PPP2R2C: variants seen among roughly 807,000 people sequenced by gnomAD.
PPP2R2C encodes the protein protein phosphatase 2, regulatory subunit B, gamma.
In PPP2R2C, 10 loss-of-function variants were observed where a neutral mutation model predicts 45.3. The ratio of observed to expected loss-of-function variants is 0.22; its 90% CI spans 0.14 to 0.37. The LOEUF (loss-of-function observed/expected upper bound fraction) is 0.37, where lower values mean the gene tolerates loss of function less well. Among genes scored for constraint, PPP2R2C ranks in the 10% least tolerant of loss-of-function variants. PPP2R2C has a pLI of 1.00. For missense variants in PPP2R2C, 308 were observed against 619.7 expected (o/e 0.50, Z 5.34); for synonymous variants, 257 against 245.4 (o/e 1.05, Z -0.44).
chr4:6,388,668 G>A (rs1472934408), intron 1 of PPP2R2C, among the ~76,000 whole-genome samples: 2 of 152,024 alleles, frequency 1.3e-5, no homozygotes, highest in Non-Finnish European at 2.9e-5. Flanking sequence ...TTGGGGGGCC[G>A]AGCCGGGCCT....
At chr4:6,465,145 A>G (rs1204913885) in intron 1 of PPP2R2C, among the ~76,000 whole-genome samples, 1 of 152,022 alleles carries the variant, frequency 6.6e-6, no homozygotes, top group African/African-American at 2.4e-5. Flanking sequence ...CAAGACAGGA[A>G]TAAAAAAATC....
rs1715550093 is a variant in PPP2R2C, at chr4:6,378,761, C to T, written c.169-189G>A. ...ACTTGCAGTGTGCCAGGGACAAGCC[C>T]CGCTCCCGTGCGGTCCCATGAAACA... On this transcript the variant is annotated intron_variant, in intron 2 of 8. Transcript: ENST00000382599. The surrounding 1 kb of genome is among the most constrained non-coding windows in gnomAD (Gnocchi z 5.2). 6.6e-6 allele frequency among the ~76,000 whole-genome samples: 1 copy of T among 152,072 alleles called. No individual in the cohort carries two copies. The highest frequency in any genetic ancestry group is 6.5e-5 in the Admixed American group (1 of 15,276).
intron 1 of PPP2R2C, among the ~76,000 whole-genome samples, chr4:6,386,349 C>G (rs1716212222): frequency 6.6e-6 from 1 of 152,206 alleles, no homozygotes; most frequent in African/African-American, 2.4e-5. Flanking sequence ...ACACTCGCAG[C>G]AGCTGGAAAA....
intron 1 of PPP2R2C, among the ~76,000 whole-genome samples, chr4:6,396,261 T>C (rs1034590190): frequency 2.0e-5 from 3 of 152,154 alleles, no homozygotes; most frequent in African/African-American, 7.2e-5. Flanking sequence ...GTCCTTCCAC[T>C]GTGGGACAGC....
chr4:6,416,564 G>C (rs1165557223), intron 1 of PPP2R2C, among the ~76,000 whole-genome samples: 4 of 152,216 alleles, frequency 2.6e-5, no homozygotes, highest in Admixed American at 2.6e-4. Context: ...GTGACCCCCG[G>C]GGTGAAGCAG....
In PPP2R2C at chr4:6,329,242, G is replaced by A. The variant is rs376857942; in HGVS notation, c.1052+20C>T. 1.1e-4 allele frequency: 182 copies of A among 1,607,676 alleles called. No homozygotes were observed. Among genetic ancestry groups the A allele is most frequent in the African/African-American group, 7.9e-4 (59 of 74,798 alleles). On this transcript the variant is annotated intron_variant, in intron 8 of 8. Transcript: ENST00000382599. The surrounding 1 kb of genome is among the most constrained non-coding windows in gnomAD (Gnocchi z 5.8). ...CCCTCCCTACGGTGAGGTGAGGTGC[G>A]GGCTGAGGTCAGGGCTTACCTGTCG...
At chr4:6,484,633 A>T (rs1025121105) in intron 2 of PPP2R2C, among the ~76,000 whole-genome samples, 2 of 151,406 alleles carry the variant, frequency 1.3e-5, no homozygotes, top group Non-Finnish European at 3.0e-5. Flanking sequence ...ATATCTCTCC[A>T]CTCATTTAGG....
chr4:6,550,059 C>A (rs1024417930), intron 1 of PPP2R2C, among the ~76,000 whole-genome samples: 1 of 152,160 alleles, frequency 6.6e-6, no homozygotes, highest in Non-Finnish European at 1.5e-5. Context: ...GAGGTCACAG[C>A]GGGGTAGGGG....
intron 1 of PPP2R2C, among the ~76,000 whole-genome samples, chr4:6,410,381 CG>C (rs1294512318): frequency 5.3e-5 from 8 of 152,134 alleles, no homozygotes; most frequent in Non-Finnish European, 1.2e-4. Flanking sequence ...ACCCCTGACT[CG>C]GGGGGTGGTG....
intron 2 of PPP2R2C, among the ~76,000 whole-genome samples, chr4:6,479,826 A>G (rs1722289013): frequency 6.6e-6 from 1 of 152,084 alleles, no homozygotes; most frequent in South Asian, 2.1e-4. Context: ...TATTGATTCA[A>G]AAGGAATCAA....
At chr4:6,402,234 G>A (rs953507118) in intron 1 of PPP2R2C, among the ~76,000 whole-genome samples, 3 of 152,212 alleles carry the variant, frequency 2.0e-5, no homozygotes, top group African/African-American at 7.2e-5. Context: ...CAGGTACACA[G>A]GAAGGCTGCG....
At chr4:6,464,004 G>A (rs1195979342) in intron 1 of PPP2R2C, among the ~76,000 whole-genome samples, 1 of 152,196 alleles carries the variant, frequency 6.6e-6, no homozygotes, top group Admixed American at 6.5e-5. Context: ...AATTAATGTA[G>A]CAGTCAGGAG....
intron 2 of PPP2R2C, among the ~76,000 whole-genome samples, chr4:6,514,331 C>T (rs901923444): frequency 3.9e-5 from 6 of 152,154 alleles, no homozygotes; most frequent in Middle Eastern, 3.2e-3. Flanking sequence ...CCAGGTAAGA[C>T]GAGGTACTGC....
chr4:6,387,980 A>T (rs1716346792), intron 1 of PPP2R2C, among the ~76,000 whole-genome samples: 1 of 152,176 alleles, frequency 6.6e-6, no homozygotes, highest in Non-Finnish European at 1.5e-5. Flanking sequence ...GGCCTTTGGC[A>T]TGTGCTCTTT....
chr4:6,365,789 G>A lies in PPP2R2C; in HGVS notation c.625+6734C>T, dbSNP rs75487264. On this transcript the variant is annotated intron_variant, in intron 5 of 8. Transcript: ENST00000382599. ...ATGGGAATTAGAAATTCTCCAGGCCGAGGCTTGGTGTGATGCCAGTTCCCA... is the reference window on the plus strand; with the variant it reads ...ATGGGAATTAGAAATTCTCCAGGCCAAGGCTTGGTGTGATGCCAGTTCCCA... Among the ~76,000 whole-genome samples the A allele has an allele frequency of 7.3e-4, 111 of 152,320 alleles. 2 individuals carry two copies. The East Asian group carries it at 0.015, about 21-fold the overall frequency.
At position 6,378,712 on chromosome 4, in the gene PPP2R2C, T is replaced by C; in HGVS notation, c.169-140A>G. The C allele has an allele frequency of 1.1e-6, 1 of 908,808 alleles. No individual in the cohort carries two copies. Among genetic ancestry groups the C allele is most frequent in the Non-Finnish European group, 1.7e-6 (1 of 595,984 alleles). 56.3% of individuals were successfully genotyped at this position (908,808 alleles called of 1,614,324 possible). The stretch of plus-strand genomic sequence containing the variant: ...ATCCAATTCGAGGGTCAAATGAAAC[T>C]CTCTGCAGCTTAACCGGCCCATGAC... On this transcript the variant is annotated intron_variant, in intron 2 of 8. Transcript: ENST00000382599. This position sits in a 1 kb window ranked among gnomAD's most constrained non-coding sequence, Gnocchi z 5.2.
Position 6,529,008 on chromosome 4 carries a change from C to T in PPP2R2C, c.49+6263G>A, listed in dbSNP as rs535612055. 2.0e-3 allele frequency among the ~76,000 whole-genome samples: 297 copies of T among 152,306 alleles called. 2 individuals are homozygous for T. Among genetic ancestry groups the T allele is most frequent in the South Asian group, 6.2e-3 (30 of 4,830 alleles). Reference sequence around the variant, plus strand: ...GTTTGGTGGTCTCTTCACACGGACGCGCACTAAACTTACTTTATTTCTTGC... The same window carrying T: ...GTTTGGTGGTCTCTTCACACGGACGTGCACTAAACTTACTTTATTTCTTGC... On this transcript the variant is annotated intron_variant, in intron 2 of 9. Coordinates refer to the PPP2R2C transcript ENST00000506140.
At chr4:6,508,328 T>C (rs1385382649) in intron 2 of PPP2R2C, among the ~76,000 whole-genome samples, 2 of 152,190 alleles carry the variant, frequency 1.3e-5, no homozygotes, top group Non-Finnish European at 2.9e-5. Flanking sequence ...GGCTCACGCC[T>C]GTAATCCCAG....
chr4:6,472,688 G>A (rs1341046479), upstream of PPP2R2C, among the ~76,000 whole-genome samples: 1 of 151,232 alleles, frequency 6.6e-6, no homozygotes, highest in Non-Finnish European at 1.5e-5. Context: ...CGCCCCCGCG[G>A]CCCTGCAGGT....
Sources: gnomAD v4.1 joint callset for allele counts (sites outside exome capture counted in the v4.1 genomes callset) on GRCh38, gnomAD v4.1.1 for gene constraint, Gnocchi (gnomAD v3.1) non-coding constraint, MANE v1.5 for transcripts, NCBI Gene and HGNC (gene_info 2026-07-23, HGNC 2026-07-21) for gene names.